Variants in GALNTL6 observed in about 807,000 individuals in gnomAD.
GALNTL6 encodes polypeptide N-acetylgalactosaminyltransferase-like 6.
In GALNTL6, 46 loss-of-function variants were observed where a neutral mutation model predicts 73.7. The ratio of observed to expected loss-of-function variants is 0.62; its 90% CI spans 0.49 to 0.80. The LOEUF (loss-of-function observed/expected upper bound fraction) is 0.80. Ranked by LOEUF, GALNTL6 falls within the 30% of genes least tolerant of loss-of-function variation. GALNTL6 has a pLI of 0.00. For missense variants in GALNTL6, 604 were observed against 755.0 expected, an observed-to-expected ratio of 0.80 and a Z score of 2.34; for synonymous variants, 259 against 263.7, an observed-to-expected ratio of 0.98 and a Z score of 0.17.
chr4:172,745,446 T>TATATATACACACAC (rs34523518), intron 5 of GALNTL6, among the ~76,000 whole-genome samples: 20 of 145,316 alleles, frequency 1.4e-4, no homozygotes, highest in African/African-American at 5.3e-4. Context: ...TATATATATG[T>TATATATACACACAC]ACACATAACT....
intron 5 of GALNTL6, among the ~76,000 whole-genome samples, chr4:172,764,261 T>C (rs1447106067): frequency 6.6e-6 from 1 of 152,240 alleles, no homozygotes; most frequent in Non-Finnish European, 1.5e-5. Context: ...CTGGCCAGTG[T>C]TATTTTTTTC....
chr4:172,524,428 T>C (rs1734884702), intron 5 of GALNTL6, among the ~76,000 whole-genome samples: 1 of 152,110 alleles, frequency 6.6e-6, no homozygotes, highest in Non-Finnish European at 1.5e-5. Flanking sequence ...TTTTTGTATT[T>C]TTAGTAAAGA....
intron 5 of GALNTL6, among the ~76,000 whole-genome samples, chr4:172,493,082 T>G (rs1296364322): frequency 1.3e-5 from 2 of 152,264 alleles, no homozygotes; most frequent in African/African-American, 4.8e-5. Flanking sequence ...ATATGTAACA[T>G]TTAAGAGAAC....
At chr4:172,823,909 AT>A (rs1403185472) in intron 7 of GALNTL6, among the ~76,000 whole-genome samples, 1 of 152,168 alleles carries the variant, frequency 6.6e-6, no homozygotes, top group African/African-American at 2.4e-5. Flanking sequence ...TTTCTAACAA[AT>A]AACAAGATGC....
At chr4:172,442,140 A>G (rs1428725590) in intron 5 of GALNTL6, among the ~76,000 whole-genome samples, 1 of 152,214 alleles carries the variant, frequency 6.6e-6, no homozygotes, top group Non-Finnish European at 1.5e-5. Flanking sequence ...AAAAGGTCGC[A>G]GGATCCTAAC....
intron 9 of GALNTL6, among the ~76,000 whole-genome samples, chr4:172,948,975 C>T (rs1325956816): frequency 6.6e-6 from 1 of 152,140 alleles, no homozygotes; most frequent in Non-Finnish European, 1.5e-5. Context: ...ATCCTCTGAG[C>T]CTTTTCCCAT....
intron 2 of GALNTL6, among the ~76,000 whole-genome samples, chr4:172,206,296 T>C (rs1012397723): frequency 2.6e-5 from 4 of 152,148 alleles, no homozygotes; most frequent in African/African-American, 9.7e-5. Flanking sequence ...TTCCAAATTA[T>C]GTGGATACAG....
chr4:172,565,373 T>C (rs1282371500), intron 5 of GALNTL6, among the ~76,000 whole-genome samples: 3 of 152,216 alleles, frequency 2.0e-5, no homozygotes, highest in Non-Finnish European at 4.4e-5. Flanking sequence ...TTTTTATCCT[T>C]CATTCTGTTA....
At chr4:172,318,943 A>G (rs2111160352) in intron 4 of GALNTL6, among the ~76,000 whole-genome samples, 1 of 152,302 alleles carries the variant, frequency 6.6e-6, no homozygotes. Context: ...AGGTTTGAGC[A>G]ATAGATTCAT....
At chr4:171,996,791 C>A (rs1205708811) in intron 2 of GALNTL6, among the ~76,000 whole-genome samples, 1 of 150,212 alleles carries the variant, frequency 6.7e-6, no homozygotes, top group East Asian at 2.0e-4. Context: ...GGGCTGCATT[C>A]AAAGCTGTCC....
chr4:172,821,468 G>A (rs1335452622), intron 7 of GALNTL6, among the ~76,000 whole-genome samples: 1 of 152,152 alleles, frequency 6.6e-6, no homozygotes, highest in Non-Finnish European at 1.5e-5. Context: ...ATGTTTCATA[G>A]TGAGTTCATA....
chr4:172,119,827 C>T (rs1733095490), intron 2 of GALNTL6, among the ~76,000 whole-genome samples: 1 of 152,166 alleles, frequency 6.6e-6, no homozygotes, highest in Non-Finnish European at 1.5e-5. Flanking sequence ...TAAAAATCTA[C>T]AAAGATTCTC....
chr4:171,994,756 C>G (rs1413979985), intron 2 of GALNTL6, among the ~76,000 whole-genome samples: 3 of 151,606 alleles, frequency 2.0e-5, no homozygotes, highest in Non-Finnish European at 4.4e-5. Context: ...ATATCTAAGT[C>G]AGTTAAAAAT....
intron 2 of GALNTL6, among the ~76,000 whole-genome samples, chr4:172,044,685 T>C (rs1037108669): frequency 6.6e-6 from 1 of 152,044 alleles, no homozygotes; most frequent in African/African-American, 2.4e-5. Context: ...GCTTTTTTCA[T>C]TGTAATTGAT....
chr4:172,319,885 A>C (rs1485823057), intron 4 of GALNTL6, among the ~76,000 whole-genome samples: 3 of 152,196 alleles, frequency 2.0e-5, no homozygotes. Flanking sequence ...GCAATTTATG[A>C]AAATTTGGTA....
intron 10 of GALNTL6, among the ~76,000 whole-genome samples, chr4:173,005,215 G>C (rs939057358): frequency 6.6e-6 from 1 of 152,138 alleles, no homozygotes; most frequent in African/African-American, 2.4e-5. Flanking sequence ...GGTAATTCCT[G>C]TCACAAATTA....
At chr4:172,245,396 T>C (rs189663600) in intron 3 of GALNTL6, among the ~76,000 whole-genome samples, 29 of 152,296 alleles carry the variant, frequency 1.9e-4, no homozygotes, top group African/African-American at 7.0e-4. Context: ...GGAGTTAAAG[T>C]CATCCTTACA....
At chr4:172,950,016 A>G (rs1038500897) in intron 9 of GALNTL6, among the ~76,000 whole-genome samples, 3 of 152,204 alleles carry the variant, frequency 2.0e-5, no homozygotes, top group Admixed American at 2.0e-4. Flanking sequence ...TTCATACAGA[A>G]TGTTTGTCAA....
At chr4:172,294,461 T>G (rs542858264) in intron 3 of GALNTL6, among the ~76,000 whole-genome samples, 1 of 152,320 alleles carries the variant, frequency 6.6e-6, no homozygotes, top group African/African-American at 2.4e-5. Flanking sequence ...GGCAGTTGTG[T>G]TCCATTTAGT....
Sources: gnomAD v4.1 joint callset for allele counts (sites outside exome capture counted in the v4.1 genomes callset) on GRCh38, gnomAD v4.1.1 for gene constraint, MANE v1.5 for transcripts, NCBI Gene and HGNC (gene_info 2026-07-23, HGNC 2026-07-21) for gene names.